Variants in ASTN2 observed in about 807,000 individuals in gnomAD.
ASTN2 encodes astrotactin-2.
A neutral mutation model predicts 139.8 loss-of-function variants in ASTN2; 54 were observed. The observed-to-expected ratio is 0.39, with a 90% CI of 0.31 to 0.48. The LOEUF (loss-of-function observed/expected upper bound fraction) is 0.48. ASTN2 is among the 20% of genes least tolerant of loss of function. ASTN2 has a pLI of 0.95. For missense variants in ASTN2, 1,565 were observed against 1,725.1 expected (o/e 0.91, Z 1.64); for synonymous variants, 756 against 719.5 (o/e 1.05, Z -0.81).
At chr9:116,896,141 G>T (rs1449908700) in intron 10 of ASTN2, among the ~76,000 whole-genome samples, 1 of 152,162 alleles carries the variant, frequency 6.6e-6, no homozygotes, top group Non-Finnish European at 1.5e-5. Flanking sequence ...ATCTTGGATT[G>T]AGTTCTATGA....
rs1836351324 is a variant in ASTN2 at position 116,976,735 on chromosome 9, G to A, written c.1642C>T (p.Leu548=). The change falls in exon 8 of 23, where the codon CTG becomes TTG. Residue 548 remains leucine (L), a synonymous_variant. Transcript: ENST00000313400. ...GYAPDPVHRH[L]CVRSDWGQSE... is the part of the protein sequence containing the mutation. Reference sequence around the variant, plus strand: ...TGTCCCCAGTCACTGCGCACACACAGGTGTCTGTGAACAGGGTCAGGGGCA... The same window carrying A: ...TGTCCCCAGTCACTGCGCACACACAAGTGTCTGTGAACAGGGTCAGGGGCA... 3.1e-6 allele frequency: 5 copies of A among 1,614,086 alleles called. No homozygotes were observed. The East Asian group carries it at 8.9e-5, about 29-fold the overall frequency.
chr9:116,589,613 G>C (rs1854298686), intron 19 of ASTN2, among the ~76,000 whole-genome samples: 1 of 152,118 alleles, frequency 6.6e-6, no homozygotes, highest in African/African-American at 2.4e-5. Context: ...GAGGCGAAGG[G>C]AATAGAAAGG....
intron 3 of ASTN2, among the ~76,000 whole-genome samples, chr9:117,168,110 A>G (rs1830711020): frequency 6.6e-6 from 1 of 152,068 alleles, no homozygotes; most frequent in Non-Finnish European, 1.5e-5. Context: ...TCTCCATTGC[A>G]GAGTTGCCTG....
chr9:117,257,829 G>T (rs1833727722), intron 2 of ASTN2, among the ~76,000 whole-genome samples: 1 of 152,232 alleles, frequency 6.6e-6, no homozygotes, highest in African/African-American at 2.4e-5. Context: ...TCGGAGAAAA[G>T]AAGAGATTTG....
chr9:116,534,936 G>C (rs1372500377), intron 19 of ASTN2, among the ~76,000 whole-genome samples: 2 of 152,158 alleles, frequency 1.3e-5, no homozygotes. Flanking sequence ...CTGTCTCATT[G>C]ATCTGTCTAA....
Position 117,023,238 on chromosome 9 carries a change from G to C in ASTN2, c.1424-14979C>G, listed in dbSNP as rs1204153966. The stretch of plus-strand genomic sequence containing the variant: ...CGTGTCCTTGTCCACAGAAAGGAAA[G>C]AGAATGCCCATTCCACAGAAAAGCT... On this transcript the variant is annotated intron_variant, in intron 6 of 22. Coordinates refer to ENST00000313400, the MANE Select transcript of ASTN2 (RefSeq NM_001365068.1). Among the ~76,000 whole-genome samples, 3 of 152,114 alleles carry C rather than the reference G, an allele frequency of 2.0e-5. No individual in the cohort carries two copies. In the East Asian group the frequency reaches 5.8e-4, roughly 29 times the overall value.
At chr9:116,965,106 A>C (rs991748945) in intron 10 of ASTN2, among the ~76,000 whole-genome samples, 3 of 152,236 alleles carry the variant, frequency 2.0e-5, no homozygotes, top group Non-Finnish European at 4.4e-5. Context: ...AAATGAGTTC[A>C]TCATGATGCT....
chr9:117,381,568 C>A (rs1830271923), intron 1 of ASTN2, among the ~76,000 whole-genome samples: 1 of 152,088 alleles, frequency 6.6e-6, no homozygotes, highest in South Asian at 2.1e-4. Flanking sequence ...CCTGCTTTTG[C>A]CATATTAAGA....
At chr9:117,079,424 TA>T (rs1207323976) in intron 5 of ASTN2, among the ~76,000 whole-genome samples, 4 of 152,072 alleles carry the variant, frequency 2.6e-5, no homozygotes, top group African/African-American at 9.7e-5. Context: ...CTAAACCTAT[TA>T]AATCAAACTC....
intron 3 of ASTN2, among the ~76,000 whole-genome samples, chr9:117,200,123 C>A (rs144282424): frequency 6.6e-6 from 1 of 151,068 alleles, no homozygotes; most frequent in Non-Finnish European, 1.5e-5. Context: ...GGTACATGTG[C>A]GCAATGTGCA....
intron 11 of ASTN2, among the ~76,000 whole-genome samples, chr9:116,823,509 C>T (rs1303666329): frequency 6.6e-6 from 1 of 152,146 alleles, no homozygotes; most frequent in Non-Finnish European, 1.5e-5. Context: ...GATCTAACCT[C>T]CTTACTTTAG....
chr9:117,042,315 C>T, intron 5 of ASTN2, among the ~76,000 whole-genome samples: 1 of 152,024 alleles, frequency 6.6e-6, no homozygotes, highest in South Asian at 2.1e-4. Flanking sequence ...GGAGAAGATC[C>T]CACCTTCATC....
chr9:116,852,226 T>A (rs1464487775), intron 11 of ASTN2, among the ~76,000 whole-genome samples: 1 of 152,192 alleles, frequency 6.6e-6, no homozygotes, highest in Non-Finnish European at 1.5e-5. Context: ...GCCATGGCCC[T>A]GGGTTTTGCT....
At chr9:117,006,326 G>A (rs573797607) in intron 7 of ASTN2, among the ~76,000 whole-genome samples, 1 of 152,200 alleles carries the variant, frequency 6.6e-6, no homozygotes, top group African/African-American at 2.4e-5. Flanking sequence ...ACCCAACCCT[G>A]ACCTTCCCAC....
intron 19 of ASTN2, among the ~76,000 whole-genome samples, chr9:116,606,846 G>A (rs1471141185): frequency 6.6e-6 from 1 of 152,110 alleles, no homozygotes; most frequent in Non-Finnish European, 1.5e-5. Flanking sequence ...TAGAAAAGAT[G>A]TTGACTACCC....
At chr9:116,671,250 AACC>A (rs1295024123) in intron 16 of ASTN2, among the ~76,000 whole-genome samples, 2 of 152,208 alleles carry the variant, frequency 1.3e-5, no homozygotes, top group Non-Finnish European at 2.9e-5. Context: ...AGATAAATAT[AACC>A]ATCATAATGA....
intron 3 of ASTN2, among the ~76,000 whole-genome samples, chr9:117,166,281 G>T (rs745648912): frequency 6.6e-6 from 1 of 152,004 alleles, no homozygotes; most frequent in Non-Finnish European, 1.5e-5. Context: ...TCACAAAGGA[G>T]AGCCCAGCAA....
At chr9:117,011,047 C>CT (rs1295021518) in intron 6 of ASTN2, among the ~76,000 whole-genome samples, 5 of 152,164 alleles carry the variant, frequency 3.3e-5, no homozygotes, top group Non-Finnish European at 4.4e-5. Flanking sequence ...TGACTGGAAA[C>CT]CTGAGTGCAG....
chr9:117,331,633 A>G (rs749133686), intron 1 of ASTN2, among the ~76,000 whole-genome samples: 1 of 152,216 alleles, frequency 6.6e-6, no homozygotes, highest in Non-Finnish European at 1.5e-5. Context: ...CACCAAGCAC[A>G]TGGCCTATGG....
Sources: allele counts gnomAD v4.1 joint callset (sites outside exome capture counted in the v4.1 genomes callset), GRCh38; gene constraint gnomAD v4.1.1; transcripts MANE v1.5; gene names NCBI Gene and HGNC (gene_info 2026-07-23, HGNC 2026-07-21).